Variants in COL5A3 observed in about 807,000 individuals in gnomAD.
The protein encoded by COL5A3 is collagen type V alpha 3 chain.
A neutral mutation model predicts 250.0 loss-of-function variants in COL5A3; 172 were observed. The observed-to-expected ratio is 0.69, with a 90% CI of 0.61 to 0.78. The LOEUF (loss-of-function observed/expected upper bound fraction) is 0.78. Among genes scored for constraint, COL5A3 ranks in the 30% least tolerant of loss-of-function variants. The probability of loss-of-function intolerance (pLI) is 0.00; values close to 1 mark genes in which losing one functional copy is unlikely to be tolerated. For missense variants in COL5A3, 2,340 were observed against 2,334.4 expected (o/e 1.00, Z -0.05); for synonymous variants, 937 against 900.4 (o/e 1.04, Z -0.73).
rs527262057 is a variant in COL5A3 at position 9,982,846 on chromosome 19, A to C, written c.2407-728T>G. On this transcript the variant is annotated intron_variant, in intron 31 of 66. Transcript: ENST00000264828. Reference sequence around the variant, plus strand: ...CATCTGGGGGTTCCATGGTCTCTATACTCTTTTTTTGTTTGTTTTATTTTT... The same window carrying C: ...CATCTGGGGGTTCCATGGTCTCTATCCTCTTTTTTTGTTTGTTTTATTTTT... Among the ~76,000 whole-genome samples, 8 of 151,300 alleles carry C rather than the reference A, an allele frequency of 5.3e-5. No individual in the cohort carries two copies. In the East Asian group the frequency reaches 1.4e-3, roughly 26 times the overall value.
intron 51 of COL5A3, among the ~76,000 whole-genome samples, chr19:9,971,827 T>C (rs1278247138): frequency 6.6e-6 from 1 of 151,784 alleles, no homozygotes; most frequent in African/African-American, 2.4e-5. Flanking sequence ...TTTCTTGCCA[T>C]TCAATGATGT....
At chr19:9,978,123 T>G (rs1202428304) in intron 41 of COL5A3, among the ~76,000 whole-genome samples, 1 of 151,542 alleles carries the variant, frequency 6.6e-6, no homozygotes, top group East Asian at 2.0e-4. Context: ...AAGGGGTTTT[T>G]ATATGTTGAT....
chr19:10,005,239 C>G (rs928019741), intron 4 of COL5A3, among the ~76,000 whole-genome samples: 4 of 152,054 alleles, frequency 2.6e-5, no homozygotes, highest in African/African-American at 9.7e-5. Flanking sequence ...CACCTGTAAT[C>G]TCAGCTACTT....
At chr19:9,967,691 C>A (rs778322584) in intron 61 of COL5A3, 4 of 552,166 alleles carry the variant, frequency 7.2e-6, no homozygotes, top group East Asian at 3.3e-5. Flanking sequence ...GAACTGTTTT[C>A]TTTCCTAGCA....
intron 21 of COL5A3, 46 bp from the exon 22 acceptor site, chr19:9,992,094 G>A (rs747191840): frequency 6.3e-7 from 1 of 1,579,020 alleles, no homozygotes; most frequent in Non-Finnish European, 8.7e-7. Context: ...AACAAGCTGG[G>A]AGCCTGAGTC....
chr19:9,986,482 C>T (rs534007076), intron 29 of COL5A3, 60 bp from the exon 30 acceptor site: 12 of 1,601,584 alleles, frequency 7.5e-6, no homozygotes, highest in Non-Finnish European at 1.0e-5. Flanking sequence ...CTGTCTAGCC[C>T]CAGCTCATCC....
At chr19:9,992,567 A>G (rs1161428536) in intron 21 of COL5A3, among the ~76,000 whole-genome samples, 1 of 152,144 alleles carries the variant, frequency 6.6e-6, no homozygotes, top group Non-Finnish European at 1.5e-5. Context: ...ACTTGAGGCC[A>G]GGAGTTCGAG....
At position 10,003,699 on chromosome 19, in the gene COL5A3, G is replaced by C; in HGVS notation, c.715C>G (p.Pro239Ala). The C allele has an allele frequency of 6.2e-7, 1 of 1,614,040 alleles. No individual in the cohort carries two copies. The highest frequency in any genetic ancestry group is 8.5e-7 in the Non-Finnish European group (1 of 1,180,028). The change falls in exon 6 of 67, where the codon CCA becomes GCA. Residue 239 changes from proline to alanine, a missense_variant. Pro to Ala is a conservative substitution (Grantham distance 27). Around this residue, in one of 3 missense-constraint regions of COL5A3, gnomAD observed 1,152 missense variants for 1,146.3 expected, o/e 1.00. Transcript: ENST00000264828. ...TTCCGCCGAGGACGAGGGGTTTCTG[G>C]TTCACCCTGGGGAGCCTGGGAGAAG... Reference protein sequence around the residue: ...PAATVAPQGEPETPRPRRKGK... With the variant: ...PAATVAPQGEAETPRPRRKGK...
chr19:9,995,698 G>A (rs149934016), intron 15 of COL5A3, 81 bp from the exon 16 acceptor site: 1 of 1,118,396 alleles, frequency 8.9e-7, no homozygotes, highest in African/African-American at 1.6e-5. Flanking sequence ...AAAAATTAGA[G>A]ATGGGGTCTT....
rs756176856 is a variant in COL5A3 at position 9,966,519 on chromosome 19, G to A, written c.4669+17C>T. Reference sequence around the variant, plus strand: ...CCCCACTCCGCCCATCCAAGTGGCGGGGGGACCGGACCTCACCATCAGGCA... The same window carrying A: ...CCCCACTCCGCCCATCCAAGTGGCGAGGGGACCGGACCTCACCATCAGGCA... On this transcript the variant is annotated intron_variant, in intron 63 of 66. Transcript: ENST00000264828. 5.8e-5 allele frequency: 89 copies of A among 1,539,410 alleles called. No individual in the cohort carries two copies. Among genetic ancestry groups the A allele is most frequent in the Non-Finnish European group, 7.1e-5 (81 of 1,141,296 alleles).
At chr19:9,970,419 G>GTGGGGTAAGCGGGGA in intron 54 of COL5A3, among the ~76,000 whole-genome samples, 1 of 40,460 alleles carries the variant, frequency 2.5e-5, no homozygotes, top group East Asian at 7.3e-4. Context: ...GTGAGTGGGG[G>GTGGGGTAAGCGGGGA]CTGTAAGGTG....
At position 9,986,767 on chromosome 19, in the gene COL5A3, TA is replaced by T. The variant is rs34667697; in HGVS notation, c.2146-10del. 0.026 allele frequency: 31,682 copies of T among 1,231,016 alleles called. No individual in the cohort carries two copies. Among genetic ancestry groups the T allele is most frequent in the South Asian group, 0.046 (2,890 of 62,322 alleles). 76.3% of individuals were successfully genotyped at this position (1,231,016 alleles called of 1,614,324 possible). A position where few individuals can be genotyped will look rare whatever the true frequency, so the allele number is the denominator to read the frequency against. On this transcript the variant is annotated splice_polypyrimidine_tract_variant and intron_variant, in intron 27 of 66. Transcript: ENST00000264828. Reference sequence around the variant, plus strand: ...CGGTTGCCTGAAGTGCCCTGGAAAATAAAAAAAAAAAGCTCTCAAGCCTCTT... The same window carrying T: ...CGGTTGCCTGAAGTGCCCTGGAAAATAAAAAAAAAAGCTCTCAAGCCTCTT...
intron 51 of COL5A3, 33 bp from the exon 52 acceptor site, chr19:9,971,291 T>G: frequency 1.3e-6 from 2 of 1,507,966 alleles, no homozygotes; most frequent in African/African-American, 1.4e-5. Context: ...ATCACATCTC[T>G]GAATTGTGGA....
Position 9,979,982 on chromosome 19 carries a change from G to A in COL5A3, c.2658+12C>T, listed in dbSNP as rs1236006923. 3 of 1,585,276 alleles carry A rather than the reference G, an allele frequency of 1.9e-6. No homozygotes were observed. The highest frequency in any genetic ancestry group is 2.0e-5 in the Admixed American group (1 of 50,194). On this transcript the variant is annotated intron_variant, in intron 36 of 66. Coordinates refer to ENST00000264828, the MANE Select transcript of COL5A3 (RefSeq NM_015719.4). Reference sequence around the variant, plus strand: ...CACCCACCCAACCCCCAATGAGGGTGACCTCACTCACAGGGGGGCCCTTTG... The same window carrying A: ...CACCCACCCAACCCCCAATGAGGGTAACCTCACTCACAGGGGGGCCCTTTG...
intron 54 of COL5A3, 22 bp from the exon 55 acceptor site, chr19:9,969,944 G>C (rs548457235): frequency 4.0e-6 from 6 of 1,490,914 alleles, no homozygotes; most frequent in Non-Finnish European, 5.3e-6. Flanking sequence ...AAGACAGTGA[G>C]GGGGGTCTAG....
intron 30 of COL5A3, 115 bp from the exon 31 acceptor site, chr19:9,986,010 G>C (rs1862473): frequency 3.3e-6 from 3 of 916,704 alleles, no homozygotes; most frequent in African/African-American, 1.6e-5. Context: ...TTGGGGAAAC[G>C]AGGTTCAAGT....
chr19:9,996,914 T>C, intron 11 of COL5A3: 1 of 518,802 alleles, frequency 1.9e-6, no homozygotes. Context: ...GAGAGAGGGA[T>C]GGAGAAGGAT....
chr19:9,996,514 G>C lies in COL5A3; in HGVS notation c.1341C>G (p.Phe447Leu). 6.2e-7 allele frequency: 1 copy of C among 1,614,076 alleles called. No individual in the cohort carries two copies. The highest frequency in any genetic ancestry group is 8.5e-7 in the Non-Finnish European group (1 of 1,179,994). Residue 447 changes from phenylalanine to leucine, a missense_variant and splice_region_variant, in exon 13 of 67, where the codon TTC becomes TTG. Transcript: ENST00000264828. Reference sequence around the variant, plus strand: ...CTTTAAAGGAGCCGCCTGCAAACTGGAACTGGGAGGAATTTAGTGGTGAGG... The same window carrying C: ...CTTTAAAGGAGCCGCCTGCAAACTGCAACTGGGAGGAATTTAGTGGTGAGG... ...GPPGTVIMMP[F>L]QFAGGSFKGP...
rs1156514206 is a variant in COL5A3 at position 9,966,599 on chromosome 19, T to G, written c.4606A>C (p.Thr1536Pro). 1 of 1,540,552 alleles carries G rather than the reference T, an allele frequency of 6.5e-7. No homozygotes were observed. The highest frequency in any genetic ancestry group is 2.4e-5 in the East Asian group (1 of 40,980). Reference sequence around the variant, plus strand: ...CACACGAGGCCCGGGCGCTCCGCAGTGCCGGGAGGACGCCGCAGCTGCTCC... The same window carrying G: ...CACACGAGGCCCGGGCGCTCCGCAGGGCCGGGAGGACGCCGCAGCTGCTCC... ...ELEQLRRPPG[T>P]AERPGLVCHE... is the part of the protein sequence containing the mutation. The change falls in exon 63 of 67, where the codon ACT becomes CCT. Residue 1536 changes from threonine (T) to proline (P), a missense_variant. By Grantham distance (38) the Thr-to-Pro change is conservative. Transcript: ENST00000264828.
Sources: allele counts gnomAD v4.1 joint callset (sites outside exome capture counted in the v4.1 genomes callset), GRCh38; gene constraint gnomAD v4.1.1; regional missense constraint gnomAD v4.1.1; transcripts MANE v1.5; gene names NCBI Gene and HGNC (gene_info 2026-07-23, HGNC 2026-07-21).